The following PCDHA3 variants were observed in gnomAD, a reference collection of about 807,000 sequenced individuals.
PCDHA3 encodes the protein protocadherin alpha 3.
In PCDHA3, 41 loss-of-function variants were observed where a neutral mutation model predicts 62.2. The ratio of observed to expected loss-of-function variants is 0.66; its 90% CI spans 0.51 to 0.86. The LOEUF is 0.86. PCDHA3 is among the 40% of genes least tolerant of loss of function. The probability of loss-of-function intolerance (pLI) is 0.00; values close to 1 mark genes in which losing one functional copy is unlikely to be tolerated. For synonymous variants in PCDHA3, 640 were observed against 555.4 expected, an observed-to-expected ratio of 1.15 and a Z score of -2.14; for missense variants, 1,304 against 1,241.2, an observed-to-expected ratio of 1.05 and a Z score of -0.76.
intron 1 of PCDHA3, chr5:140,966,328 CG>C: frequency 2.5e-6 from 1 of 392,484 alleles, no homozygotes; most frequent in Non-Finnish European, 4.5e-6. Flanking sequence ...CGCTGGGATC[CG>C]GCAGGTCCAG....
At chr5:140,975,849 A>G (rs1157741908) in intron 1 of PCDHA3, among the ~76,000 whole-genome samples, 1 of 152,208 alleles carries the variant, frequency 6.6e-6, no homozygotes, top group Non-Finnish European at 1.5e-5. Flanking sequence ...CAGTAATACT[A>G]CATCACCCAT....
chr5:140,978,841 T>G, intron 1 of PCDHA3, 108 bp from the exon 2 acceptor site: 1 of 1,563,056 alleles, frequency 6.4e-7, no homozygotes, highest in Non-Finnish European at 8.7e-7. Context: ...ATTCAATACT[T>G]TTTTAGATGC....
At position 140,850,869 on chromosome 5, in the gene PCDHA3, T is replaced by C. The variant is rs1204218607; in HGVS notation, c.2394+47278T>C. 3.3e-5 allele frequency: 52 copies of C among 1,591,956 alleles called. 5 individuals carry two copies. The highest frequency in any genetic ancestry group is 4.2e-5 in the Non-Finnish European group (49 of 1,163,508). ...AGAGCGAACGGGAGAACCCTCTGCT[T>C]CCTCAGATTCAACTGGGAAGGTGGG... On this transcript the variant is annotated intron_variant, in intron 1 of 3. Coordinates refer to ENST00000522353, the MANE Select transcript of PCDHA3 (RefSeq NM_018906.3).
At position 141,009,622 on chromosome 5, in the gene PCDHA3, T is replaced by C. The variant is rs782517998; in HGVS notation, c.2543-5T>C. On this transcript the variant is annotated splice_region_variant and splice_polypyrimidine_tract_variant and intron_variant, in intron 3 of 3. Coordinates refer to ENST00000522353, the MANE Select transcript of PCDHA3 (RefSeq NM_018906.3). ...GTTAATGATTTGTAATGTTTTGTCT[T>C]TCAGAACCAGAGGCAGGAGAAGTGT... is the stretch of plus-strand genomic sequence containing the variant. 6.2e-7 allele frequency: 1 copy of C among 1,612,598 alleles called. No homozygotes were observed.
rs782226254 is a variant in PCDHA3 at position 140,882,345 on chromosome 5, C to T, written c.2394+78754C>T. The T allele has an allele frequency of 6.8e-6, 11 of 1,614,042 alleles. No homozygotes were observed. In the Admixed American group the frequency reaches 1.5e-4, roughly 22 times the overall value. Reference sequence around the variant, plus strand: ...CTTCTGATCCTCGCAGCCTGGGAGACGGGTAGTGGCCAGCTCCACTACTCC... The same window carrying T: ...CTTCTGATCCTCGCAGCCTGGGAGATGGGTAGTGGCCAGCTCCACTACTCC... On this transcript the variant is annotated intron_variant, in intron 1 of 3. Transcript: ENST00000522353.
intron 1 of PCDHA3, among the ~76,000 whole-genome samples, chr5:140,941,259 T>TTCTTTCTTTC (rs1554214226): frequency 2.6e-4 from 32 of 121,828 alleles, no homozygotes; most frequent in African/African-American, 6.8e-4. Flanking sequence ...TTCTTTCTCT[T>TTCTTTCTTTC]TCTTTCTTTC....
intron 1 of PCDHA3, among the ~76,000 whole-genome samples, chr5:140,818,703 T>C (rs2150102081): frequency 1.3e-5 from 2 of 152,262 alleles, no homozygotes; most frequent in Admixed American, 6.5e-5. Context: ...CTAGATGTGG[T>C]GGTGCACACC....
At chr5:140,885,313 A>G (rs2060560221) in intron 1 of PCDHA3, among the ~76,000 whole-genome samples, 1 of 152,144 alleles carries the variant, frequency 6.6e-6, no homozygotes, top group East Asian at 1.9e-4. Flanking sequence ...GCTTTTTGTT[A>G]TTATTTCTTT....
chr5:140,933,270 C>T (rs1388946153), intron 1 of PCDHA3, among the ~76,000 whole-genome samples: 1 of 151,842 alleles, frequency 6.6e-6, no homozygotes, highest in African/African-American at 2.4e-5. Context: ...ATTATATATT[C>T]ATTTGGAACT....
chr5:140,918,072 T>C (rs1271495774), intron 1 of PCDHA3, among the ~76,000 whole-genome samples: 1 of 152,142 alleles, frequency 6.6e-6, no homozygotes, highest in Non-Finnish European at 1.5e-5. Flanking sequence ...TTTCTTTCAG[T>C]AGTGTTTTAT....
chr5:140,869,497 G>C, intron 1 of PCDHA3: 1 of 1,614,202 alleles, frequency 6.2e-7, no homozygotes, highest in South Asian at 1.1e-5. Context: ...CAACCCGCCG[G>C]TGTTCTCGCT....
chr5:140,929,257 C>G, intron 1 of PCDHA3: 2 of 1,612,972 alleles, frequency 1.2e-6, no homozygotes, highest in Admixed American at 3.3e-5. Flanking sequence ...TGGGGTAGGA[C>G]TGAATTTGCC....
rs115129184 is a variant in PCDHA3, at chr5:140,964,722, A to G, written c.2395-14227A>G. 3.1e-3 allele frequency among the ~76,000 whole-genome samples: 468 copies of G among 152,140 alleles called. 3 individuals are homozygous for G. The highest frequency in any genetic ancestry group is 5.1e-3 in the Non-Finnish European group (346 of 67,996). On this transcript the variant is annotated intron_variant, in intron 1 of 3. Transcript: ENST00000522353. ...AAGGCCTCCGAGATCAAATTACCAC[A>G]GCAAACTGAGACAGAATTATTGTAG...
At chr5:140,868,440 G>A (rs2050457998) in intron 1 of PCDHA3, 1 of 152,152 alleles carries the variant, frequency 6.6e-6, no homozygotes, top group Admixed American at 6.6e-5. Flanking sequence ...AGATCATGTG[G>A]AACATAAACA....
intron 1 of PCDHA3, among the ~76,000 whole-genome samples, chr5:140,963,448 A>G (rs567394961): frequency 1.3e-5 from 2 of 152,370 alleles, no homozygotes; most frequent in Non-Finnish European, 2.9e-5. Flanking sequence ...CTCTGTTGCT[A>G]AAGTATTTCT....
intron 3 of PCDHA3, among the ~76,000 whole-genome samples, chr5:140,990,502 A>T (rs1303617067): frequency 6.6e-6 from 1 of 152,164 alleles, no homozygotes; most frequent in African/African-American, 2.4e-5. Context: ...ACATTCCCCA[A>T]GTCTTCTCTC....
intron 1 of PCDHA3, among the ~76,000 whole-genome samples, chr5:140,937,783 G>A (rs1554211789): frequency 6.7e-6 from 1 of 150,256 alleles, no homozygotes; most frequent in African/African-American, 2.5e-5. Context: ...GTGGTGGCGG[G>A]CGTATGTAGT....
At chr5:140,879,939 T>C (rs1554171083) in intron 1 of PCDHA3, among the ~76,000 whole-genome samples, 1 of 152,194 alleles carries the variant, frequency 6.6e-6, no homozygotes. Flanking sequence ...TGTGATTGTA[T>C]TTAGGGCCCA....
At chr5:140,861,509 G>A (rs2046952597) in intron 1 of PCDHA3, 1 of 479,912 alleles carries the variant, frequency 2.1e-6, no homozygotes, top group Non-Finnish European at 4.3e-6. Context: ...ACCTCGAGGA[G>A]CTGTGTGGGA....
Sources: gnomAD v4.1 joint callset for allele counts (sites outside exome capture counted in the v4.1 genomes callset) on GRCh38, gnomAD v4.1.1 for gene constraint, MANE v1.5 for transcripts, NCBI Gene and HGNC (gene_info 2026-07-23, HGNC 2026-07-21) for gene names.